The following MGRN1 variants were observed in gnomAD, a reference collection of about 807,000 sequenced individuals.
MGRN1 encodes the protein mahogunin ring finger 1, also known as E3 ubiquitin-protein ligase MGRN1.
MGRN1 carries 29 observed loss-of-function variants against 69.2 expected under a neutral mutation model. The observed-to-expected ratio is 0.42, with a 90% CI of 0.31 to 0.57. The LOEUF is 0.57. Ranked by LOEUF, MGRN1 falls within the 20% of genes least tolerant of loss-of-function variation. The pLI is 0.15. For synonymous variants in MGRN1, 470 were observed against 344.2 expected (o/e 1.37, Z -4.04); for missense variants, 998 against 796.2 (o/e 1.25, Z -3.05).
intron 11 of MGRN1, 124 bp downstream of exon 11, chr16:4,677,696 C>G: frequency 1.1e-6 from 1 of 905,218 alleles, no homozygotes; most frequent in Non-Finnish European, 1.7e-6. Flanking sequence ...GCAGGCATGG[C>G]CCCCATGGAT....
intron 1 of MGRN1, among the ~76,000 whole-genome samples, chr16:4,627,970 C>G (rs1329074527): frequency 1.4e-5 from 2 of 146,428 alleles, no homozygotes; most frequent in Non-Finnish European, 3.0e-5. Context: ...GTCCCAGCTA[C>G]TCAGGAAGCT....
In MGRN1 at chr16:4,688,755, G is replaced by T. The variant is rs141855961; in HGVS notation, c.1619-41G>T. 1,886 of 1,513,260 alleles carry T rather than the reference G, an allele frequency of 1.2e-3. 2 individuals are homozygous for T. Among genetic ancestry groups the T allele is most frequent in the Non-Finnish European group, 1.6e-3 (1,776 of 1,119,866 alleles). The allele number at this position is 1,513,260 out of a possible 1,614,324, so 93.7% of individuals were successfully genotyped here. A position where few individuals can be genotyped will look rare whatever the true frequency, so the allele number is the denominator to read the frequency against. On this transcript the variant is annotated intron_variant, in intron 16 of 16. Transcript: ENST00000262370. ...GTAGGAGCGGGTGGCGTGGCACCAG[G>T]CATCCGAGTGTGACCCTCCTCCCTC... is the stretch of plus-strand genomic sequence containing the variant.
rs80064611 is a variant in MGRN1 at position 4,651,855 on chromosome 16, T to G, written c.208-108T>G. On this transcript the variant is annotated intron_variant, in intron 2 of 16. Transcript: ENST00000262370. The stretch of plus-strand genomic sequence containing the variant: ...CCCAGTATAGCCCCTCCCATGGGAC[T>G]AGATCCCAGGGATACCCTCTGGGGC... 10,990 of 973,992 alleles carry G rather than the reference T, an allele frequency of 0.011. 737 individuals carry two copies. The African/African-American group carries it at 0.15, about 13-fold the overall frequency. The allele number at this position is 973,992 out of a possible 1,614,324, so 60.3% of individuals were successfully genotyped here.
At chr16:4,662,256 T>A (rs2078699711) in intron 5 of MGRN1, among the ~76,000 whole-genome samples, 1 of 152,162 alleles carries the variant, frequency 6.6e-6, no homozygotes, top group Non-Finnish European at 1.5e-5. Context: ...GGCTGACACC[T>A]GTAATCCCAG....
In MGRN1 at chr16:4,688,904, T is replaced by G; in HGVS notation, c.1727T>G (p.Leu576Arg). ...CCCAGCGCCGCCGAGCTGACCCCAC[T>G]CTGAGAGCCTGGCCGAGCTGGCAGC... is the stretch of plus-strand genomic sequence containing the variant. ...PDPSAAELTP[L>R] The change falls in exon 17 of 17, where the codon CTC becomes CGC. Residue 576 changes from leucine to arginine, a missense_variant. Physicochemically the swap from Leu to Arg is moderately radical, Grantham distance 102. Coordinates refer to ENST00000262370, the MANE Select transcript of MGRN1 (RefSeq NM_015246.4). The G allele has an allele frequency of 6.5e-7, 1 of 1,541,858 alleles. No individual in the cohort carries two copies.
chr16:4,674,695 C>T (rs1056506765), intron 10 of MGRN1, among the ~76,000 whole-genome samples: 1 of 119,580 alleles, frequency 8.4e-6, no homozygotes, highest in Non-Finnish European at 1.6e-5. Context: ...CTGCGGACTG[C>T]AGTGGCGCAA....
At chr16:4,628,274 C>T (rs1348206560) in intron 1 of MGRN1, among the ~76,000 whole-genome samples, 5 of 148,206 alleles carry the variant, frequency 3.4e-5, no homozygotes, top group East Asian at 4.1e-4. Flanking sequence ...TAGTCCCAGC[C>T]ACTCGGGAGG....
chr16:4,673,765 G>T, intron 10 of MGRN1, 108 bp downstream of exon 10: 2 of 1,369,398 alleles, frequency 1.5e-6, no homozygotes, highest in Non-Finnish European at 2.0e-6. Flanking sequence ...GGCTAAGAAA[G>T]AAGAGTTGTC....
chr16:4,657,738 C>CATTTT (rs2078580081), intron 5 of MGRN1, among the ~76,000 whole-genome samples: 1 of 76,998 alleles, frequency 1.3e-5, no homozygotes, highest in Non-Finnish European at 2.5e-5. Context: ...TGCAGACATC[C>CATTTT]TTTTTTTTTT....
chr16:4,635,801 A>ATTT (rs34343082), intron 1 of MGRN1, among the ~76,000 whole-genome samples: 369 of 125,684 alleles, frequency 2.9e-3, no homozygotes, highest in African/African-American at 0.01. Context: ...CGCCCAGCTA[A>ATTT]TTTTTTTTTT....
At position 4,650,358 on chromosome 16, in the gene MGRN1, T is replaced by C. The variant is rs2078378218; in HGVS notation, c.89-7T>C. Reference sequence around the variant, plus strand: ...AAATCTATAATCGTGTTTCCTTTTTTAAACAGGAAACTACTTTGCTTCGCA... The same window carrying C: ...AAATCTATAATCGTGTTTCCTTTTTCAAACAGGAAACTACTTTGCTTCGCA... On this transcript the variant is annotated splice_region_variant and splice_polypyrimidine_tract_variant and intron_variant, in intron 1 of 16. Coordinates refer to ENST00000262370, the MANE Select transcript of MGRN1 (RefSeq NM_015246.4). 6.3e-7 allele frequency: 1 copy of C among 1,585,108 alleles called. No individual in the cohort carries two copies. The highest frequency in any genetic ancestry group is 1.2e-5 in the South Asian group (1 of 86,608).
At chr16:4,676,634 G>T (rs1316023747) in intron 10 of MGRN1, among the ~76,000 whole-genome samples, 1 of 152,192 alleles carries the variant, frequency 6.6e-6, no homozygotes, top group Admixed American at 6.5e-5. Context: ...GACGGCAGAT[G>T]CATTGGTTTG....
intron 5 of MGRN1, among the ~76,000 whole-genome samples, chr16:4,661,748 T>C (rs1284806939): frequency 6.6e-6 from 1 of 152,232 alleles, no homozygotes; most frequent in Non-Finnish European, 1.5e-5. Flanking sequence ...GTCCATCCCA[T>C]GGGACTTGTG....
intron 4 of MGRN1, among the ~76,000 whole-genome samples, chr16:4,656,244 G>T (rs896592810): frequency 6.6e-6 from 1 of 152,256 alleles, no homozygotes; most frequent in Admixed American, 6.5e-5. Context: ...CAGAAGGGCG[G>T]TCCTTGAAGC....
chr16:4,660,314 C>G (rs2078648075), intron 5 of MGRN1, among the ~76,000 whole-genome samples: 1 of 152,242 alleles, frequency 6.6e-6, no homozygotes, highest in Non-Finnish European at 1.5e-5. Flanking sequence ...CACGAGGGGT[C>G]CGTGATCAGC....
In MGRN1 at chr16:4,637,943, C is replaced by G. The variant is rs2078068075; in HGVS notation, c.89-12422C>G. On this transcript the variant is annotated intron_variant, in intron 1 of 16. Coordinates refer to ENST00000262370, the MANE Select transcript of MGRN1 (RefSeq NM_015246.4). ...ACAAAAAAGGTGACTACAGCTTATG[C>G]CCCCTCCGTGCCCCAGCGTCTTTGC... Among the ~76,000 whole-genome samples, 3 of 152,238 alleles carry G rather than the reference C, an allele frequency of 2.0e-5. No homozygotes were observed. In the South Asian group the frequency reaches 6.2e-4, roughly 31 times the overall value.
At chr16:4,646,727 G>A (rs903228413) in intron 1 of MGRN1, among the ~76,000 whole-genome samples, 9 of 152,248 alleles carry the variant, frequency 5.9e-5, no homozygotes, top group Admixed American at 2.6e-4. Context: ...CATGTCGGCC[G>A]GGAGGTGAGA....
chr16:4,625,713 G>A (rs57439300), intron 1 of MGRN1, among the ~76,000 whole-genome samples: 3,040 of 152,360 alleles, frequency 0.02, 85 homozygotes, highest in African/African-American at 0.068. Flanking sequence ...AGTTGGGACC[G>A]GGACCAGCTG....
chr16:4,679,236 A>G (rs1279419397), intron 11 of MGRN1, among the ~76,000 whole-genome samples: 1 of 152,164 alleles, frequency 6.6e-6, no homozygotes, highest in Non-Finnish European at 1.5e-5. Flanking sequence ...AGGCGTGGCT[A>G]GGTTTATTGT....
Sources: allele counts gnomAD v4.1 joint callset (sites outside exome capture counted in the v4.1 genomes callset), GRCh38; gene constraint gnomAD v4.1.1; transcripts MANE v1.5; gene names NCBI Gene and HGNC (gene_info 2026-07-23, HGNC 2026-07-21).